The following TTF2 variants were observed in gnomAD, a reference collection of about 807,000 sequenced individuals.
The protein encoded by TTF2 is RNA polymerase II termination factor.
In TTF2, 108 loss-of-function variants were observed where a neutral mutation model predicts 142.4. That is an observed-to-expected ratio of 0.76 (90% CI 0.65 to 0.89). The LOEUF is 0.89. Among genes scored for constraint, TTF2 ranks in the 40% least tolerant of loss-of-function variants. TTF2 has a pLI of 0.00. For synonymous variants in TTF2, 483 were observed against 506.2 expected (o/e 0.95, Z 0.61); for missense variants, 1,327 against 1,379.8 (o/e 0.96, Z 0.61).
intron 9 of TTF2, 36 bp from the exon 10 acceptor site, chr1:117,081,792 G>A (rs1175074097): frequency 1.2e-6 from 2 of 1,603,720 alleles, no homozygotes; most frequent in African/African-American, 2.7e-5. Context: ...TTTGCCCTAA[G>A]CAATTAACTC....
chr1:117,062,318 G>T, intron 2 of TTF2, 69 bp from the exon 3 acceptor site: 3 of 1,442,284 alleles, frequency 2.1e-6, no homozygotes, highest in South Asian at 2.4e-5. Flanking sequence ...CCATAGTTTT[G>T]ATTTGACTTT....
In TTF2 at chr1:117,102,995, T is replaced by C. The variant is rs1216578000; in HGVS notation, c.*1471T>C. 6.6e-6 allele frequency: 1 copy of C among 152,216 alleles called. No individual in the cohort carries two copies. Among genetic ancestry groups the C allele is most frequent in the African/African-American group, 2.4e-5 (1 of 41,454 alleles). 9.4% of individuals were successfully genotyped at this position (152,216 alleles called of 1,614,324 possible). A position where few individuals can be genotyped will look rare whatever the true frequency, so the allele number is the denominator to read the frequency against. On this transcript the variant is annotated 3_prime_UTR_variant, in exon 23 of 23. Coordinates refer to ENST00000369466, the MANE Select transcript of TTF2 (RefSeq NM_003594.4). ...ATGGACTGTGGAGAGAAGCGATTGATGTAAGTCACTTCTAGGTGGCCCTCT... is the reference window on the plus strand; with the variant it reads ...ATGGACTGTGGAGAGAAGCGATTGACGTAAGTCACTTCTAGGTGGCCCTCT...
chr1:117,101,476 T>C lies in TTF2; in HGVS notation c.3441T>C (p.Ser1147=). 2.5e-6 allele frequency: 4 copies of C among 1,608,856 alleles called. No homozygotes were observed. The highest frequency in any genetic ancestry group is 3.4e-6 in the Non-Finnish European group (4 of 1,178,876). ...AKQVLSGSGE[S]VTKLTLADLR... ...AAGTTCTATCAGGGTCTGGAGAATC[T>C]GTCACCAAGCTCACCTTGGCTGACC... is the stretch of plus-strand genomic sequence containing the variant. The change falls in exon 23 of 23, where the codon TCT becomes TCC. Residue 1147 remains serine, a synonymous_variant. Coordinates refer to ENST00000369466, the MANE Select transcript of TTF2 (RefSeq NM_003594.4). This position sits in a 1 kb window ranked among gnomAD's most constrained non-coding sequence, Gnocchi z 5.9.
chr1:117,093,915 C>G lies in TTF2; in HGVS notation c.2976+1014C>G, dbSNP rs986710098. 1.3e-5 allele frequency among the ~76,000 whole-genome samples: 2 copies of G among 152,190 alleles called. No individual in the cohort carries two copies. Among genetic ancestry groups the G allele is most frequent in the Non-Finnish European group, 2.9e-5 (2 of 68,042 alleles). ...GCTTCTTACTGGAATTTGACCCCGG[C>G]TCGTGGGCCATAAATCCAGCCCTCC... On this transcript the variant is annotated intron_variant, in intron 18 of 22. Transcript: ENST00000369466. The surrounding 1 kb of genome is among the most constrained non-coding windows in gnomAD (Gnocchi z 4.5).
chr1:117,074,854 A>G lies in TTF2; in HGVS notation c.286-16A>G, dbSNP rs369312496. ...GTATTAATATTTTATATGAAGATTA[A>G]TTATTTTGTCTTTAGGATCCTGATT... On this transcript the variant is annotated splice_polypyrimidine_tract_variant and intron_variant, in intron 4 of 22. Coordinates refer to ENST00000369466, the MANE Select transcript of TTF2 (RefSeq NM_003594.4). 1.9e-6 allele frequency: 3 copies of G among 1,545,254 alleles called. No homozygotes were observed. Among genetic ancestry groups the G allele is most frequent in the Non-Finnish European group, 2.6e-6 (3 of 1,152,250 alleles).
chr1:117,084,929 T>C (rs748136406), intron 11 of TTF2, among the ~76,000 whole-genome samples: 3 of 152,186 alleles, frequency 2.0e-5, no homozygotes, highest in Non-Finnish European at 4.4e-5. Context: ...AGTTGTTAGA[T>C]TGGTGCCCCT....
chr1:117,086,527 G>A lies in TTF2; in HGVS notation c.2160+5G>A, dbSNP rs1425836150. On this transcript the variant is annotated splice_donor_5th_base_variant and intron_variant, in intron 12 of 22. Coordinates refer to ENST00000369466, the MANE Select transcript of TTF2 (RefSeq NM_003594.4). This position sits in a 1 kb window ranked among gnomAD's most constrained non-coding sequence, Gnocchi z 4.2. ...GGTGCAAACCTCAATGTGGAGGTGA[G>A]GCTGGGGGGCAGCCAGGGAAGTGGA... is the stretch of plus-strand genomic sequence containing the variant. 6.2e-7 allele frequency: 1 copy of A among 1,610,320 alleles called. No individual in the cohort carries two copies. The highest frequency in any genetic ancestry group is 8.5e-7 in the Non-Finnish European group (1 of 1,176,922).
intron 16 of TTF2, 49 bp from the exon 17 acceptor site, chr1:117,091,768 T>C: frequency 6.3e-7 from 1 of 1,583,958 alleles, no homozygotes; most frequent in South Asian, 1.1e-5. Context: ...TCTCCGTATT[T>C]CTCTTTTAAA....
rs1488895880 is a variant in TTF2, at chr1:117,099,016, T to C, written c.3344+109T>C. The C allele has an allele frequency of 1.9e-6, 2 of 1,037,466 alleles. No individual in the cohort carries two copies. Among genetic ancestry groups the C allele is most frequent in the African/African-American group, 1.6e-5 (1 of 61,584 alleles). The allele number at this position is 1,037,466 out of a possible 1,614,324, so 64.3% of individuals were successfully genotyped here. A position where few individuals can be genotyped will look rare whatever the true frequency, so the allele number is the denominator to read the frequency against. On this transcript the variant is annotated intron_variant, in intron 22 of 22. Coordinates refer to ENST00000369466, the MANE Select transcript of TTF2 (RefSeq NM_003594.4). The surrounding 1 kb of genome is among the most constrained non-coding windows in gnomAD (Gnocchi z 4.3). The stretch of plus-strand genomic sequence containing the variant: ...AATTTAAAGTATTTGGTGATGACTT[T>C]ACTGATGATGCCCCTGAGGCATACC...
At position 117,080,911 on chromosome 1, in the gene TTF2, G is replaced by A. The variant is rs557690891; in HGVS notation, c.1784-917G>A. On this transcript the variant is annotated intron_variant, in intron 9 of 22. Transcript: ENST00000369466. This position sits in a 1 kb window ranked among gnomAD's most constrained non-coding sequence, Gnocchi z 4.3. ...AAGGTTCCCTAGGAAGCTCATTAGA[G>A]ATTTAATGCCCAAGGTTTTTATTGG... Among the ~76,000 whole-genome samples the A allele has an allele frequency of 5.1e-4, 78 of 152,308 alleles. 1 individual carries two copies. Among genetic ancestry groups the A allele is most frequent in the Non-Finnish European group, 8.5e-4 (58 of 68,020 alleles).
chr1:117,073,173 A>G lies in TTF2; in HGVS notation c.219-488A>G, dbSNP rs1354127569. Among the ~76,000 whole-genome samples, 1 of 152,188 alleles carries G rather than the reference A, an allele frequency of 6.6e-6. No individual in the cohort carries two copies. The highest frequency in any genetic ancestry group is 1.9e-4 in the East Asian group (1 of 5,206). On this transcript the variant is annotated intron_variant, in intron 3 of 22. Transcript: ENST00000369466. The surrounding 1 kb of genome is among the most constrained non-coding windows in gnomAD (Gnocchi z 4.4). ...AGATTTTGAAGGTTATATTCTCCACAGTATAGTTTTACGCCTTCTTCTGTT... is the reference window on the plus strand; with the variant it reads ...AGATTTTGAAGGTTATATTCTCCACGGTATAGTTTTACGCCTTCTTCTGTT...
At chr1:117,067,423 A>G (rs575057040) in intron 3 of TTF2, among the ~76,000 whole-genome samples, 55 of 151,316 alleles carry the variant, frequency 3.6e-4, no homozygotes, top group Admixed American at 3.5e-3. Flanking sequence ...CCAGCTACTC[A>G]GTAGGCAGGA....
Position 117,091,337 on chromosome 1 carries a change from G to A in TTF2, c.2598G>A (p.Leu866=). The A allele has an allele frequency of 1.2e-6, 2 of 1,612,612 alleles. No homozygotes were observed. Among genetic ancestry groups the A allele is most frequent in the Non-Finnish European group, 8.5e-7 (1 of 1,179,692 alleles). The change falls in exon 16 of 23, where the codon CTG becomes CTA. Residue 866 remains leucine, a synonymous_variant. Coordinates refer to ENST00000369466, the MANE Select transcript of TTF2 (RefSeq NM_003594.4). ...NVFFARSRSA[L]QSYLKRHESR... ...TTTTAATCTGAGGCAGGTCAGCTCTGCAATCCTATCTAAAAAGACATGAAA... is the reference window on the plus strand; with the variant it reads ...TTTTAATCTGAGGCAGGTCAGCTCTACAATCCTATCTAAAAAGACATGAAA...
At position 117,079,588 on chromosome 1, in the gene TTF2, G is replaced by A; in HGVS notation, c.1722G>A (p.Gln574=). ...GTCAGGTCCCTTTGCTACTACACCA[G>A]AAGCAGGCATTGGCTTGGTTACTAT... ...AGLKVPLLLH[Q]KQALAWLLWR... is the part of the protein sequence containing the mutation. The change falls in exon 9 of 23, where the codon CAG becomes CAA. Residue 574 remains glutamine (Q), a synonymous_variant. Transcript: ENST00000369466. The surrounding 1 kb of genome is among the most constrained non-coding windows in gnomAD (Gnocchi z 4.2). The A allele has an allele frequency of 6.2e-7, 1 of 1,614,242 alleles. No homozygotes were observed. Among genetic ancestry groups the A allele is most frequent in the Non-Finnish European group, 8.5e-7 (1 of 1,180,038 alleles).
Position 117,092,581 on chromosome 1 carries a change from C to A in TTF2, c.2806-150C>A. On this transcript the variant is annotated intron_variant, in intron 17 of 22. Transcript: ENST00000369466. The surrounding 1 kb of genome is among the most constrained non-coding windows in gnomAD (Gnocchi z 4.4). ...TGTGGTGAAAAAACTTGCAAGATCA[C>A]ACTTTAATCAAGGTGTCTTGAGGAG... The A allele has an allele frequency of 1.2e-6, 1 of 805,882 alleles. No individual in the cohort carries two copies. The highest frequency in any genetic ancestry group is 1.9e-6 in the Non-Finnish European group (1 of 537,432). 49.9% of individuals were successfully genotyped at this position (805,882 alleles called of 1,614,324 possible).
rs929708554 is a variant in TTF2, at chr1:117,105,688, G to C, written c.*4164G>C. ...GCTGAGATCATACCACTGCACTCCAGCCTGGGCCACAGAGAAAGAACGGTG... is the reference window on the plus strand; with the variant it reads ...GCTGAGATCATACCACTGCACTCCACCCTGGGCCACAGAGAAAGAACGGTG... On this transcript the variant is annotated 3_prime_UTR_variant, in exon 23 of 23. Coordinates refer to ENST00000369466, the MANE Select transcript of TTF2 (RefSeq NM_003594.4). This position sits in a 1 kb window ranked among gnomAD's most constrained non-coding sequence, Gnocchi z 4.7. 7 of 152,166 alleles carry C rather than the reference G, an allele frequency of 4.6e-5. No homozygotes were observed. The highest frequency in any genetic ancestry group is 1.7e-4 in the African/African-American group (7 of 41,448). The allele number at this position is 152,166 out of a possible 1,614,324, so 9.4% of individuals were successfully genotyped here.
chr1:117,089,960 T>C (rs1330808531), intron 13 of TTF2, 95 bp from the exon 14 acceptor site: 1 of 1,407,314 alleles, frequency 7.1e-7, no homozygotes, highest in Non-Finnish European at 9.6e-7. Flanking sequence ...TAACAGAAAA[T>C]CTGATTTGTC....
At chr1:117,069,593 G>T (rs1325360196) in intron 3 of TTF2, among the ~76,000 whole-genome samples, 1 of 152,200 alleles carries the variant, frequency 6.6e-6, no homozygotes, top group Non-Finnish European at 1.5e-5. Flanking sequence ...TCTTCATCAT[G>T]ACCGTATGAG....
At chr1:117,095,707 A>G (rs989581009) in intron 19 of TTF2, among the ~76,000 whole-genome samples, 20 of 152,336 alleles carry the variant, frequency 1.3e-4, no homozygotes, top group South Asian at 4.1e-4. Context: ...CATATGTGCT[A>G]TACACCTGCA....
Sources: gnomAD v4.1 joint callset for allele counts (sites outside exome capture counted in the v4.1 genomes callset) on GRCh38, gnomAD v4.1.1 for gene constraint, Gnocchi (gnomAD v3.1) non-coding constraint, MANE v1.5 for transcripts, NCBI Gene and HGNC (gene_info 2026-07-23, HGNC 2026-07-21) for gene names.